Variants in DMXL1 observed in about 807,000 individuals in gnomAD.
DMXL1 encodes the protein dmX-like protein 1.
Under a neutral mutation model 319.2 loss-of-function variants are expected in DMXL1, and 99 were observed. The ratio of observed to expected loss-of-function variants is 0.31; its 90% CI spans 0.26 to 0.37. The LOEUF is 0.37. Ranked by LOEUF, DMXL1 falls within the 10% of genes least tolerant of loss-of-function variation. DMXL1 has a pLI of 1.00. For missense variants in DMXL1, 3,745 were observed against 3,595.6 expected, an observed-to-expected ratio of 1.04 and a Z score of -1.06; for synonymous variants, 1,385 against 1,235.2, an observed-to-expected ratio of 1.12 and a Z score of -2.54.
At position 119,150,190 on chromosome 5, in the gene DMXL1, G is replaced by A. The variant is rs1458470031; in HGVS notation, c.4363G>A (p.Asp1455Asn). The change falls in exon 18 of 44, where the codon GAT (aspartate) becomes AAT (asparagine). Residue 1455 changes from aspartate (D) to asparagine (N), a missense_variant. Physicochemically the swap from Asp to Asn is conservative, Grantham distance 23. Coordinates refer to ENST00000539542, the MANE Select transcript of DMXL1 (RefSeq NM_001290321.3). ...ELFQTQLLMT[D>N]THMLETDEEN... ...TTTTCAGACTCAACTTCTAATGACT[G>A]ATACTCATATGTTAGAGACAGATGA... The A allele has an allele frequency of 6.2e-7, 1 of 1,613,716 alleles. No homozygotes were observed. The highest frequency in any genetic ancestry group is 2.2e-5 in the East Asian group (1 of 44,876).
chr5:119,144,678 C>A (rs1768131585), intron 15 of DMXL1, 40 bp downstream of exon 15: 1 of 1,299,042 alleles, frequency 7.7e-7, no homozygotes, highest in South Asian at 1.4e-5. Context: ...ATACTATGTA[C>A]AGTATGTTAG....
At chr5:119,112,353 C>T (rs933516221) in intron 5 of DMXL1, among the ~76,000 whole-genome samples, 1 of 152,140 alleles carries the variant, frequency 6.6e-6, no homozygotes, top group Non-Finnish European at 1.5e-5. Flanking sequence ...GGTTTCATTC[C>T]TTCATTCAAC....
chr5:119,074,631 T>C (rs796596483), intron 1 of DMXL1, among the ~76,000 whole-genome samples: 12 of 152,388 alleles, frequency 7.9e-5, no homozygotes, highest in African/African-American at 2.9e-4. Flanking sequence ...GATACTTTTT[T>C]ACTACCTCAT....
At chr5:119,097,774 G>T (rs569171262) in intron 1 of DMXL1, among the ~76,000 whole-genome samples, 217 of 152,186 alleles carry the variant, frequency 1.4e-3, no homozygotes, top group African/African-American at 4.8e-3. Flanking sequence ...TTGCAGAAAG[G>T]ACTGACAGAA....
At position 119,147,418 on chromosome 5, in the gene DMXL1, A is replaced by G. The variant is rs376910484; in HGVS notation, c.2859A>G (p.Gln953=). 6.2e-7 allele frequency: 1 copy of G among 1,613,464 alleles called. No individual in the cohort carries two copies. Among genetic ancestry groups the G allele is most frequent in the African/African-American group, 1.3e-5 (1 of 74,902 alleles). Residue 953 remains glutamine (Q), a synonymous_variant, in exon 17 of 44, where the codon CAA becomes CAG. Coordinates refer to ENST00000539542, the MANE Select transcript of DMXL1 (RefSeq NM_001290321.3). The part of the protein sequence containing the change: ...LTLFSEMVYS[Q]ELHLPEGVEI... The stretch of plus-strand genomic sequence containing the variant: ...TGTTTTCAGAAATGGTTTATAGCCA[A>G]GAATTGCATTTACCAGAAGGAGTTG...
intron 1 of DMXL1, among the ~76,000 whole-genome samples, chr5:119,093,140 G>A (rs1454399381): frequency 1.3e-5 from 2 of 151,868 alleles, no homozygotes; most frequent in African/African-American, 4.8e-5. Flanking sequence ...CGCTCACTTT[G>A]TGTCTCTGTG....
chr5:119,107,181 T>C lies in DMXL1; in HGVS notation c.364+1923T>C, dbSNP rs188278438. On this transcript the variant is annotated intron_variant, in intron 4 of 43. Coordinates refer to ENST00000539542, the MANE Select transcript of DMXL1 (RefSeq NM_001290321.3). ...GGGAGACTCCATCTCTACAAAAAAA[T>C]TTTTGAAAAGTTAGTCAGGCTTGGT... is the stretch of plus-strand genomic sequence containing the variant. 2.2e-4 allele frequency among the ~76,000 whole-genome samples: 34 copies of C among 151,816 alleles called. No homozygotes were observed. The East Asian group carries it at 5.6e-3, about 25-fold the overall frequency.
intron 4 of DMXL1, among the ~76,000 whole-genome samples, chr5:119,106,058 A>C (rs146088102): frequency 2.0e-5 from 3 of 152,130 alleles, no homozygotes; most frequent in East Asian, 1.9e-4. Context: ...TGGCTTGTCT[A>C]TTGTTCCATG....
intron 27 of DMXL1, 94 bp from the exon 28 acceptor site, chr5:119,177,902 A>G (rs1017106255): frequency 8.7e-7 from 1 of 1,151,280 alleles, no homozygotes; most frequent in African/African-American, 1.6e-5. Context: ...CTCCTGATGC[A>G]ATACATTTTT....
rs151315956 is a variant in DMXL1 at position 119,164,466 on chromosome 5, A to G, written c.4703-41A>G. The G allele has an allele frequency of 3.8e-3, 5,824 of 1,523,402 alleles. 119 individuals carry two copies. The highest frequency in any genetic ancestry group is 0.034 in the Admixed American group (2,015 of 58,466). 94.4% of individuals were successfully genotyped at this position (1,523,402 alleles called of 1,614,324 possible). Reference sequence around the variant, plus strand: ...ACATTTCTGATAATCATATAAGCATATTTATAATTCTTATAAACATCATTT... The same window carrying G: ...ACATTTCTGATAATCATATAAGCATGTTTATAATTCTTATAAACATCATTT... On this transcript the variant is annotated intron_variant, in intron 19 of 43. Transcript: ENST00000539542.
At position 119,152,011 on chromosome 5, in the gene DMXL1, C is replaced by G; in HGVS notation, c.4677C>G (p.Ala1559=). The change falls in exon 19 of 44, where the codon GCC becomes GCG. Residue 1559 remains alanine, a synonymous_variant. Transcript: ENST00000539542. ...CCTTTCTTACAACTTCCCTTCCAGC[C>G]TATCGAGCTCAACTCCTTCACCAAG... ...LHTFLTTSLP[A]YRAQLLHQGL... is the part of the protein sequence containing the mutation. 6.2e-7 allele frequency: 1 copy of G among 1,612,168 alleles called. No individual in the cohort carries two copies.
intron 1 of DMXL1, among the ~76,000 whole-genome samples, chr5:119,076,196 C>G (rs1021700676): frequency 6.6e-6 from 1 of 152,058 alleles, no homozygotes; most frequent in Non-Finnish European, 1.5e-5. Context: ...TATTAGAAAA[C>G]TCAGTGTTTC....
In DMXL1 at chr5:119,161,391, AGTTGGGCAGGGTTGCAG is replaced by A. The variant is rs569068497; in HGVS notation, c.4703-3114_4703-3098del. On this transcript the variant is annotated intron_variant, in intron 19 of 43. Coordinates refer to ENST00000539542, the MANE Select transcript of DMXL1 (RefSeq NM_001290321.3). The stretch of plus-strand genomic sequence containing the variant: ...GGCAGTATTATCGTTTGGGTTCTGA[AGTTGGGCAGGGTTGCAG>A]GCTGGCCCCGAGGTTAGGCAGAGTT... Among the ~76,000 whole-genome samples the A allele has an allele frequency of 3.9e-3, 596 of 152,300 alleles. 3 individuals carry two copies. The highest frequency in any genetic ancestry group is 0.019 in the South Asian group (94 of 4,824).
In DMXL1 at chr5:119,224,752, A is replaced by C. The variant is rs1785230871; in HGVS notation, c.8321A>C (p.His2774Pro). The C allele has an allele frequency of 1.5e-6, 2 of 1,313,210 alleles. No individual in the cohort carries two copies. Among genetic ancestry groups the C allele is most frequent in the Non-Finnish European group, 2.0e-6 (2 of 986,412 alleles). The allele number at this position is 1,313,210 out of a possible 1,614,324, so 81.3% of individuals were successfully genotyped here. The change falls in exon 38 of 44, where the codon CAT (histidine) becomes CCT (proline). Residue 2774 changes from histidine to proline, a missense_variant. Around this residue, in one of 4 missense-constraint regions of DMXL1, gnomAD observed 1,382 missense variants for 1,269.5 expected, o/e 1.09. Transcript: ENST00000539542. ...AINNVRRMTSHPTLPYYLTGA... is the reference protein window; with the variant it reads ...AINNVRRMTSPPTLPYYLTGA... ...AATAATGTTAGAAGAATGACTTCTC[A>C]TCCAACTCTTCCTTACTGTAAGTTG...
intron 1 of DMXL1, among the ~76,000 whole-genome samples, chr5:119,094,555 G>C (rs181816114): frequency 3.2e-4 from 48 of 152,314 alleles, no homozygotes; most frequent in Non-Finnish European, 4.1e-4. Context: ...CATTCATTCT[G>C]TAGTCCATGA....
chr5:119,132,020 A>T (rs1021131636), intron 10 of DMXL1, among the ~76,000 whole-genome samples: 2 of 152,248 alleles, frequency 1.3e-5, no homozygotes, highest in African/African-American at 4.8e-5. Context: ...TTCATTATGC[A>T]GATCTGGGCA....
At chr5:119,198,019 C>G (rs1290539727) in intron 32 of DMXL1, 63 bp downstream of exon 32, 4 of 1,514,574 alleles carry the variant, frequency 2.6e-6, no homozygotes, top group Non-Finnish European at 3.6e-6. Flanking sequence ...GATGGTGTCT[C>G]GCTCTGTCAT....
chr5:119,201,156 G>A (rs1780637166), intron 32 of DMXL1, among the ~76,000 whole-genome samples: 1 of 152,166 alleles, frequency 6.6e-6, no homozygotes, highest in African/African-American at 2.4e-5. Context: ...GGTTTTCAAG[G>A]AGAAAGCTTC....
chr5:119,170,065 C>G, intron 23 of DMXL1, 125 bp from the exon 24 acceptor site: 1 of 859,050 alleles, frequency 1.2e-6, no homozygotes, highest in East Asian at 2.7e-5. Context: ...TCATTGTGGC[C>G]TATTAGTAAA....
Sources: gnomAD v4.1 joint callset for allele counts (sites outside exome capture counted in the v4.1 genomes callset) on GRCh38, gnomAD v4.1.1 for gene constraint, gnomAD v4.1.1 regional missense constraint, MANE v1.5 for transcripts, NCBI Gene and HGNC (gene_info 2026-07-23, HGNC 2026-07-21) for gene names.